Variants in EXOC7 observed in about 807,000 individuals in gnomAD.
The protein encoded by EXOC7 is exocyst complex component Exo70.
In EXOC7, 51 loss-of-function variants were observed where a neutral mutation model predicts 87.6. The observed-to-expected ratio is 0.58, with a 90% CI of 0.46 to 0.73. The LOEUF (loss-of-function observed/expected upper bound fraction) is 0.73, where lower values mean the gene tolerates loss of function less well. Ranked by LOEUF, EXOC7 falls within the 30% of genes least tolerant of loss-of-function variation. EXOC7 has a pLI of 0.00. For synonymous variants in EXOC7, 327 were observed against 357.1 expected (o/e 0.92, Z 0.95); for missense variants, 744 against 888.4 (o/e 0.84, Z 2.07).
intron 5 of EXOC7, among the ~76,000 whole-genome samples, chr17:76,097,544 C>T (rs914961298): frequency 4.8e-4 from 73 of 151,058 alleles, no homozygotes; most frequent in African/African-American, 1.6e-3. Context: ...TCTCTACTAA[C>T]AATACAAAAC....
At position 76,084,527 on chromosome 17, in the gene EXOC7, G is replaced by A. The variant is rs781658922; in HGVS notation, c.1766C>T (p.Pro589Leu). The A allele has an allele frequency of 2.9e-5, 46 of 1,613,686 alleles. No homozygotes were observed. The highest frequency in any genetic ancestry group is 8.8e-5 in the South Asian group (8 of 91,042). ...IAEKNLPVFQ[P>L]GVKLRDKERQ... ...AGGTCTTGAGCCCACCTTGACTCCC[G>A]GCTGGAACACAGGTAGATTCTTCTC... The change falls in exon 16 of 19, where the codon CCG (proline) becomes CTG (leucine). Residue 589 changes from proline (P) to leucine (L), a missense_variant. Coordinates refer to ENST00000589210, the MANE Select transcript of EXOC7 (RefSeq NM_001013839.4).
chr17:76,090,526 G>A, intron 7 of EXOC7: 2 of 1,528,120 alleles, frequency 1.3e-6, no homozygotes, highest in Non-Finnish European at 8.8e-7. Flanking sequence ...GGGGAAGGGG[G>A]CATCGGAGAG....
In EXOC7 at chr17:76,097,855, C is replaced by T; in HGVS notation, c.581G>A (p.Ser194Asn). 1.9e-6 allele frequency: 3 copies of T among 1,614,114 alleles called. No individual in the cohort carries two copies. The highest frequency in any genetic ancestry group is 2.2e-5 in the East Asian group (1 of 44,892). Residue 194 changes from serine (S) to asparagine (N), a missense_variant, in exon 5 of 19, where the codon AGC (serine) becomes AAC (asparagine). Coordinates refer to ENST00000589210, the MANE Select transcript of EXOC7 (RefSeq NM_001013839.4). ...GATGCGAATGACATCCTGGAGCACGCTCTCGGGCAGGTGCTCCAGGGTCAC... is the reference window on the plus strand; with the variant it reads ...GATGCGAATGACATCCTGGAGCACGTTCTCGGGCAGGTGCTCCAGGGTCAC... ...EDVTLEHLPE[S>N]VLQDVIRISR...
intron 9 of EXOC7, 91 bp from the exon 10 acceptor site, chr17:76,088,653 A>G: frequency 6.3e-7 from 1 of 1,596,280 alleles, no homozygotes; most frequent in Admixed American, 1.7e-5. Context: ...GCTTCCATGC[A>G]CCTTCAGAGC....
At chr17:76,090,673 G>A (rs1056061534) in intron 7 of EXOC7, 1 of 609,640 alleles carries the variant, frequency 1.6e-6, no homozygotes, top group Non-Finnish European at 2.9e-6. Flanking sequence ...GAAGGACCAA[G>A]GAGGGGCTGA....
In EXOC7 at chr17:76,099,358, T is replaced by C. The variant is rs151146092; in HGVS notation, c.418-1340A>G. On this transcript the variant is annotated intron_variant, in intron 4 of 18. Transcript: ENST00000589210. ...CCGTTTCTACTAAAAATACAAAAAA[T>C]TAGCTCGGTGTGGTGGCAGGCACCT... 7.8e-3 allele frequency among the ~76,000 whole-genome samples: 1,183 copies of C among 152,090 alleles called. 19 individuals are homozygous for C. The highest frequency in any genetic ancestry group is 0.027 in the African/African-American group (1,108 of 41,482).
At chr17:76,087,824 C>T (rs2243481) in intron 11 of EXOC7, 104 bp from the exon 12 acceptor site, 587,618 of 1,275,956 alleles carry the variant, frequency 0.46, 138,634 homozygotes, top group South Asian at 0.65. Context: ...GGCTGGGATC[C>T]GCCCAGTGAA....
chr17:76,085,909 G>A, intron 13 of EXOC7, 112 bp from the exon 14 acceptor site: 8 of 1,529,088 alleles, frequency 5.2e-6, no homozygotes, highest in Non-Finnish European at 7.1e-6. Context: ...GCCTCAGGAG[G>A]CCTTAGCCCA....
At chr17:76,084,868 A>G (rs2067140585) in intron 15 of EXOC7, among the ~76,000 whole-genome samples, 1 of 152,234 alleles carries the variant, frequency 6.6e-6, no homozygotes, top group Non-Finnish European at 1.5e-5. Flanking sequence ...ACAGATGAGA[A>G]AGAAAGGAGT....
In EXOC7 at chr17:76,103,201, G is replaced by A. The variant is rs2068160446; in HGVS notation, c.126+160C>T. On this transcript the variant is annotated intron_variant, in intron 2 of 18. Coordinates refer to ENST00000589210, the MANE Select transcript of EXOC7 (RefSeq NM_001013839.4). Reference sequence around the variant, plus strand: ...GGTACGGAACATGGGGAGGGGGCTAGGCAGGAGAGATGCCAAACTGTTGCT... The same window carrying A: ...GGTACGGAACATGGGGAGGGGGCTAAGCAGGAGAGATGCCAAACTGTTGCT... 1.2e-5 allele frequency: 8 copies of A among 667,802 alleles called. 1 individual carries two copies. Among genetic ancestry groups the A allele is most frequent in the South Asian group, 5.2e-5 (3 of 57,448 alleles). 41.4% of individuals were successfully genotyped at this position (667,802 alleles called of 1,614,324 possible).
chr17:76,085,214 GA>G, intron 15 of EXOC7, 99 bp downstream of exon 15: 1 of 963,750 alleles, frequency 1.0e-6, no homozygotes. Flanking sequence ...CAGAGGACAG[GA>G]GTTCCCCGTG....
At position 76,082,389 on chromosome 17, in the gene EXOC7, C is replaced by G; in HGVS notation, c.*1259G>C. 1 of 1,442,856 alleles carries G rather than the reference C, an allele frequency of 6.9e-7. No homozygotes were observed. The highest frequency in any genetic ancestry group is 2.3e-5 in the East Asian group (1 of 43,610). The allele number at this position is 1,442,856 out of a possible 1,614,324, so 89.4% of individuals were successfully genotyped here. ...AAGGAAGCGATACAGGCTGATGACCCCTGGGGTTCGCTCTTCCGCTCATGT... is the reference window on the plus strand; with the variant it reads ...AAGGAAGCGATACAGGCTGATGACCGCTGGGGTTCGCTCTTCCGCTCATGT... On this transcript the variant is annotated 3_prime_UTR_variant, in exon 19 of 19. Coordinates refer to ENST00000589210, the MANE Select transcript of EXOC7 (RefSeq NM_001013839.4).
chr17:76,084,263 G>A lies in EXOC7; in HGVS notation c.1803C>T (p.Ile601=). 6.2e-7 allele frequency: 1 copy of A among 1,613,486 alleles called. No homozygotes were observed. The highest frequency in any genetic ancestry group is 8.5e-7 in the Non-Finnish European group (1 of 1,179,976). ...VKLRDKERQI[I]KERFKGFNDG... ...CCCGACTCACCTTAAAACGCTCCTT[G>A]ATAATCTGCCGCTCCTTGTCCCGGA... The change falls in exon 17 of 19, where the codon ATC becomes ATT. Residue 601 remains isoleucine, a synonymous_variant. Coordinates refer to ENST00000589210, the MANE Select transcript of EXOC7 (RefSeq NM_001013839.4).
chr17:76,103,759 C>A lies in EXOC7; in HGVS notation c.-67G>T. 1 of 1,514,732 alleles carries A rather than the reference C, an allele frequency of 6.6e-7. No individual in the cohort carries two copies. The highest frequency in any genetic ancestry group is 1.4e-5 in the African/African-American group (1 of 72,268). The allele number at this position is 1,514,732 out of a possible 1,614,324, so 93.8% of individuals were successfully genotyped here. ...CCGCGGGCCCACCGGGCCCCCGTCC[C>A]CGTCACACCCACTTCCGCTCTTGGT... is the stretch of plus-strand genomic sequence containing the variant. On this transcript the variant is annotated 5_prime_UTR_variant, in exon 1 of 19. Coordinates refer to ENST00000589210, the MANE Select transcript of EXOC7 (RefSeq NM_001013839.4).
intron 6 of EXOC7, 56 bp downstream of exon 6, chr17:76,094,358 G>A: frequency 6.4e-7 from 1 of 1,563,468 alleles, no homozygotes; most frequent in South Asian, 1.2e-5. Context: ...GACTAAAGCA[G>A]TACAGTCCCA....
In EXOC7 at chr17:76,082,483, G is replaced by C. The variant is rs1266169029; in HGVS notation, c.*1165C>G. The C allele has an allele frequency of 1.2e-6, 2 of 1,612,894 alleles. No individual in the cohort carries two copies. The highest frequency in any genetic ancestry group is 1.7e-6 in the Non-Finnish European group (2 of 1,179,472). On this transcript the variant is annotated 3_prime_UTR_variant, in exon 19 of 19. Transcript: ENST00000589210. ...CACAGAGCCCTCCAGAGGAGTAAAG[G>C]GGTCACAGAGAAGCTGGCCTGAGAC...
chr17:76,100,904 C>T (rs2068026968), intron 4 of EXOC7: 1 of 155,600 alleles, frequency 6.4e-6, no homozygotes, highest in Non-Finnish European at 1.4e-5. Context: ...TCACATGGAC[C>T]TGGGAGGCAG....
chr17:76,102,242 T>C (rs529789951), intron 2 of EXOC7, among the ~76,000 whole-genome samples: 26 of 152,268 alleles, frequency 1.7e-4, no homozygotes, highest in African/African-American at 5.3e-4. Flanking sequence ...AATGCATTGC[T>C]GTATCTTCAA....
intron 7 of EXOC7, chr17:76,090,345 C>T (rs1262363019): frequency 1.9e-6 from 3 of 1,551,448 alleles, no homozygotes; most frequent in Middle Eastern, 1.7e-4. Context: ...GCGGCCCGTG[C>T]TTGTCGTTCA....
Sources: gnomAD v4.1 joint callset for allele counts (sites outside exome capture counted in the v4.1 genomes callset) on GRCh38, gnomAD v4.1.1 for gene constraint, MANE v1.5 for transcripts, NCBI Gene and HGNC (gene_info 2026-07-23, HGNC 2026-07-21) for gene names.